The following INO80C variants were observed in gnomAD, a reference collection of about 807,000 sequenced individuals.
INO80C encodes the protein INO80 complex subunit C.
In INO80C, 17 loss-of-function variants were observed where a neutral mutation model predicts 17.7. The ratio of observed to expected loss-of-function variants is 0.96; its 90% CI spans 0.66 to 1.44. INO80C has a LOEUF of 1.44. Among genes scored for constraint, INO80C ranks in the 40% most tolerant of loss-of-function variants. The pLI is 0.00. For missense variants in INO80C, 244 were observed against 245.0 expected (o/e 1.00, Z 0.03); for synonymous variants, 96 against 95.8 (o/e 1.00, Z -0.01).
At chr18:35,491,785 T>A (rs1312748381) in intron 1 of INO80C, among the ~76,000 whole-genome samples, 3 of 152,154 alleles carry the variant, frequency 2.0e-5, no homozygotes, top group Admixed American at 2.0e-4. Context: ...AGCACTATTA[T>A]CACTAAGGAC....
chr18:35,480,791 T>C (rs895234640), intron 1 of INO80C, among the ~76,000 whole-genome samples: 4 of 152,192 alleles, frequency 2.6e-5, no homozygotes, highest in Non-Finnish European at 2.9e-5. Flanking sequence ...ACTGCTATGT[T>C]TCCCGGGTAC....
At chr18:35,470,302 G>A (rs2045654867) in intron 4 of INO80C, among the ~76,000 whole-genome samples, 1 of 152,168 alleles carries the variant, frequency 6.6e-6, no homozygotes, top group African/African-American at 2.4e-5. Flanking sequence ...ACTGCTGTGT[G>A]TTAGGAAATG....
In INO80C at chr18:35,497,903, C is replaced by T. The variant is rs371356687; in HGVS notation, c.-29G>A. The T allele has an allele frequency of 3.3e-6, 5 of 1,505,228 alleles. No individual in the cohort carries two copies. The highest frequency in any genetic ancestry group is 1.3e-5 in the South Asian group (1 of 77,988). 93.2% of individuals were successfully genotyped at this position (1,505,228 alleles called of 1,614,324 possible). On this transcript the variant is annotated 5_prime_UTR_variant, in exon 1 of 5. Coordinates refer to ENST00000334598, the MANE Select transcript of INO80C (RefSeq NM_194281.4). ...ACTCCGAGTCTTCCCCTGGTCCCCC[C>T]ACCTTTTTCCCAGCGCGGGCCTTGG... is the stretch of plus-strand genomic sequence containing the variant.
intron 1 of INO80C, among the ~76,000 whole-genome samples, chr18:35,491,516 T>C (rs536226036): frequency 6.6e-6 from 1 of 152,242 alleles, no homozygotes; most frequent in South Asian, 2.1e-4. Flanking sequence ...CAGTGCTGCC[T>C]CCTGCTTCTG....
intron 1 of INO80C, among the ~76,000 whole-genome samples, chr18:35,491,579 C>A (rs774872251): frequency 6.6e-6 from 1 of 152,060 alleles, no homozygotes; most frequent in Non-Finnish European, 1.5e-5. Context: ...CTGCCCCAGG[C>A]CAGAGCTGGT....
chr18:35,483,078 G>A (rs2045832771), intron 1 of INO80C, among the ~76,000 whole-genome samples: 2 of 152,174 alleles, frequency 1.3e-5, no homozygotes, highest in African/African-American at 4.8e-5. Context: ...ACAGCAAAAA[G>A]AGTCTCCAAT....
intron 1 of INO80C, chr18:35,497,269 C>G: frequency 1.1e-6 from 1 of 938,600 alleles, no homozygotes; most frequent in Non-Finnish European, 1.3e-6. Context: ...CAAAAAAGCA[C>G]TTTTCTCAGG....
At chr18:35,496,701 G>C (rs13381809) in intron 1 of INO80C, 3 of 152,134 alleles carry the variant, frequency 2.0e-5, no homozygotes, top group Non-Finnish European at 4.4e-5. Context: ...GCACCATCAC[G>C]CCCAGCTATT....
At chr18:35,471,399 T>C (rs2045667781) in intron 4 of INO80C, among the ~76,000 whole-genome samples, 1 of 152,210 alleles carries the variant, frequency 6.6e-6, no homozygotes, top group Non-Finnish European at 1.5e-5. Flanking sequence ...TTTTTATATA[T>C]GTGGCACCAT....
In INO80C at chr18:35,468,704, G is replaced by A; in HGVS notation, c.486C>T (p.Ser162=). 2.5e-6 allele frequency: 4 copies of A among 1,614,200 alleles called. No homozygotes were observed. Among genetic ancestry groups the A allele is most frequent in the Non-Finnish European group, 3.4e-6 (4 of 1,180,034 alleles). ...YTDPQSKLRF[S]TIEEFSYIRR... ...GAATGTAGGAAAACTCTTCAATGGT[G>A]CTGAACCGCAGTTTGCTCTGGGGGT... The change falls in exon 5 of 5, where the codon AGC becomes AGT. Residue 162 remains serine (S), a synonymous_variant. Transcript: ENST00000334598.
chr18:35,478,667 T>C (rs1364635657), intron 3 of INO80C, among the ~76,000 whole-genome samples: 1 of 152,122 alleles, frequency 6.6e-6, no homozygotes, highest in African/African-American at 2.4e-5. Flanking sequence ...CTGATGGTGA[T>C]GAAATGCCAA....
At chr18:35,478,370 AGATAACT>A in intron 3 of INO80C, 21 bp from the exon 4 acceptor site, 1 of 1,469,966 alleles carries the variant, frequency 6.8e-7, no homozygotes, top group Non-Finnish European at 9.3e-7. Flanking sequence ...AAAAAAAAAA[AGATAACT>A]AAACTGAACT....
At chr18:35,488,564 C>T (rs2045901166) in intron 1 of INO80C, among the ~76,000 whole-genome samples, 1 of 152,160 alleles carries the variant, frequency 6.6e-6, no homozygotes, top group African/African-American at 2.4e-5. Context: ...GCAGAGGGGT[C>T]CCTGGGTCAG....
chr18:35,473,901 G>A (rs2144031499), intron 4 of INO80C, among the ~76,000 whole-genome samples: 1 of 152,052 alleles, frequency 6.6e-6, no homozygotes, highest in South Asian at 2.1e-4. Flanking sequence ...TCCTAACAAA[G>A]GTGATCAGTC....
chr18:35,474,211 A>G (rs1158927234), intron 4 of INO80C, among the ~76,000 whole-genome samples: 2 of 91,302 alleles, frequency 2.2e-5, no homozygotes, highest in African/African-American at 5.8e-5. Flanking sequence ...GTGTGTCTAT[A>G]TATATATATA....
chr18:35,497,759 G>A lies in INO80C; in HGVS notation c.116C>T (p.Ala39Val). ...AGCGGACGCTTTTTTCTTCTTACTG[G>A]CGCCATAGCCCCCGCCGCTGCTGCC... Reference protein sequence around the residue: ...HNGSSGGGYGASKKKKASASS... With the variant: ...HNGSSGGGYGVSKKKKASASS... Residue 39 changes from alanine to valine, a missense_variant, in exon 1 of 5, where the codon GCC becomes GTC. Physicochemically the swap from Ala to Val is moderately conservative, Grantham distance 64. Transcript: ENST00000334598. 2.5e-6 allele frequency: 4 copies of A among 1,612,822 alleles called. No individual in the cohort carries two copies. The highest frequency in any genetic ancestry group is 1.1e-5 in the South Asian group (1 of 91,020).
At chr18:35,471,022 CGA>C (rs1470794726) in intron 4 of INO80C, among the ~76,000 whole-genome samples, 1 of 152,180 alleles carries the variant, frequency 6.6e-6, no homozygotes, top group African/African-American at 2.4e-5. Flanking sequence ...AGCTCTGTAA[CGA>C]GTGCTGAACA....
intron 4 of INO80C, among the ~76,000 whole-genome samples, chr18:35,474,882 C>T (rs531275492): frequency 6.8e-4 from 104 of 151,968 alleles, no homozygotes; most frequent in Non-Finnish European, 1.2e-3. Context: ...TGAACCGCAA[C>T]GAAATAAGAG....
At chr18:35,497,277 A>G (rs891426777) in intron 1 of INO80C, 169 of 949,120 alleles carry the variant, frequency 1.8e-4, no homozygotes, top group Non-Finnish European at 1.9e-4. Context: ...CACTTTTCTC[A>G]GGATGAGAGA....
Sources: allele counts gnomAD v4.1 joint callset (sites outside exome capture counted in the v4.1 genomes callset), GRCh38; gene constraint gnomAD v4.1.1; transcripts MANE v1.5; gene names NCBI Gene and HGNC (gene_info 2026-07-23, HGNC 2026-07-21).